MYOM2: variants seen among roughly 807,000 people sequenced by gnomAD.
MYOM2 encodes myomesin-2.
Under a neutral mutation model 187.6 loss-of-function variants are expected in MYOM2, and 254 were observed. The observed-to-expected ratio is 1.35, with a 90% CI of 1.22 to 1.50. The LOEUF (loss-of-function observed/expected upper bound fraction) is 1.50. Ranked by LOEUF, MYOM2 falls within the 40% of genes most tolerant of loss-of-function variation. MYOM2 has a pLI of 0.00. For missense variants in MYOM2, 2,796 were observed against 1,924.0 expected, an observed-to-expected ratio of 1.45 and a Z score of -8.48; for synonymous variants, 981 against 753.8, an observed-to-expected ratio of 1.30 and a Z score of -4.94.
chr8:2,079,564 TC>T lies in MYOM2; in HGVS notation c.1468del (p.His490IlefsTer76). On this transcript the variant is annotated frameshift_variant, in exon 13 of 37. Transcript: ENST00000262113. LOFTEE classifies it high-confidence loss of function. ...PLDLRRLQAV[H>X]LEGEKEIAIY... is the part of the protein sequence containing the mutation. ...TGTCAACCTTTCTCTCCGCAGCCGT[TC>T]ATTTGGAGGGAGAGAAGGAGATTGC... The T allele has an allele frequency of 6.2e-7, 1 of 1,614,068 alleles. No homozygotes were observed. Among genetic ancestry groups the T allele is most frequent in the Non-Finnish European group, 8.5e-7 (1 of 1,180,006 alleles).
At chr8:2,070,531 C>A (rs1819178820) in intron 8 of MYOM2, among the ~76,000 whole-genome samples, 1 of 152,182 alleles carries the variant, frequency 6.6e-6, no homozygotes, top group Non-Finnish European at 1.5e-5. Flanking sequence ...CTCTGGCCCT[C>A]AGGACAGCAC....
intron 17 of MYOM2, among the ~76,000 whole-genome samples, chr8:2,095,510 T>C (rs1189061808): frequency 6.6e-6 from 1 of 152,138 alleles, no homozygotes; most frequent in Non-Finnish European, 1.5e-5. Context: ...CAGGCTGATC[T>C]CAAACTCAGG....
chr8:2,109,221 C>A (rs184415608), intron 24 of MYOM2, 174 bp from the exon 25 acceptor site: 14 of 764,984 alleles, frequency 1.8e-5, no homozygotes, highest in Non-Finnish European at 2.2e-5. Flanking sequence ...TTAGAGGCAA[C>A]AACAGGCCAG....
rs990839895 is a variant in MYOM2 at position 2,089,893 on chromosome 8, G to A, written c.1645-115G>A. The A allele has an allele frequency of 3.5e-6, 3 of 869,550 alleles. No homozygotes were observed. In the South Asian group the frequency reaches 5.8e-5, roughly 17 times the overall value. The allele number at this position is 869,550 out of a possible 1,614,324, so 53.9% of individuals were successfully genotyped here. A position where few individuals can be genotyped will look rare whatever the true frequency, so the allele number is the denominator to read the frequency against. On this transcript the variant is annotated intron_variant, in intron 14 of 36. Coordinates refer to ENST00000262113, the MANE Select transcript of MYOM2 (RefSeq NM_003970.4). ...GACCATCCTTTGTGTGCGAGACGCA[G>A]CGGGCGCGCCTGGTGGTCCTGGGAT...
At chr8:2,121,714 T>A (rs1268764157) in intron 28 of MYOM2, among the ~76,000 whole-genome samples, 1 of 130,262 alleles carries the variant, frequency 7.7e-6, no homozygotes, top group Non-Finnish European at 1.8e-5. Context: ...AAACCATTTT[T>A]AAAAGTTTCA....
chr8:2,108,841 C>T lies in MYOM2; in HGVS notation c.3043+11C>T. Reference sequence around the variant, plus strand: ...AAATAAAGAACCCCAGTAAGTAAGCCTCCAGCCCTTCCCCTCTGCTTGCAG... The same window carrying T: ...AAATAAAGAACCCCAGTAAGTAAGCTTCCAGCCCTTCCCCTCTGCTTGCAG... On this transcript the variant is annotated intron_variant, in intron 24 of 36. Coordinates refer to ENST00000262113, the MANE Select transcript of MYOM2 (RefSeq NM_003970.4). The T allele has an allele frequency of 6.2e-7, 1 of 1,613,736 alleles. No homozygotes were observed. Among genetic ancestry groups the T allele is most frequent in the South Asian group, 1.1e-5 (1 of 90,964 alleles).
intron 32 of MYOM2, among the ~76,000 whole-genome samples, chr8:2,135,886 T>C (rs536005397): frequency 1.7e-4 from 26 of 152,314 alleles, no homozygotes; most frequent in African/African-American, 6.0e-4. Context: ...GGCCCTCTTA[T>C]AAGTTGCTCA....
chr8:2,054,140 C>A (rs1302180881), intron 3 of MYOM2, among the ~76,000 whole-genome samples: 3 of 152,184 alleles, frequency 2.0e-5, no homozygotes, highest in African/African-American at 7.2e-5. Context: ...TTATCCCTGA[C>A]CTCCCAACGT....
At chr8:2,102,836 A>C in intron 21 of MYOM2, 55 bp downstream of exon 21, 1 of 1,402,282 alleles carries the variant, frequency 7.1e-7, no homozygotes, top group African/African-American at 1.4e-5. Context: ...GAGAGTGTGC[A>C]TGTATTATGG....
chr8:2,109,212 T>C (rs1796987519), intron 24 of MYOM2, 183 bp from the exon 25 acceptor site: 2 of 672,992 alleles, frequency 3.0e-6, no homozygotes, highest in East Asian at 3.0e-5. Context: ...CATGAGGCTT[T>C]AGAGGCAACA....
At position 2,069,429 on chromosome 8, in the gene MYOM2, C is replaced by T. The variant is rs1291008732; in HGVS notation, c.743-18C>T. The T allele has an allele frequency of 6.8e-6, 11 of 1,614,080 alleles. No individual in the cohort carries two copies. Among genetic ancestry groups the T allele is most frequent in the Non-Finnish European group, 9.3e-6 (11 of 1,180,018 alleles). ...CTCCTTTTCTCTTTTCTGCTGCACT[C>T]ACTTTGCTGTCTTGCAGGGTTCCGG... On this transcript the variant is annotated intron_variant, in intron 7 of 36. Transcript: ENST00000262113.
At chr8:2,130,871 T>A (rs992278599) in intron 32 of MYOM2, among the ~76,000 whole-genome samples, 1 of 152,246 alleles carries the variant, frequency 6.6e-6, no homozygotes. Context: ...TGAGTAAATC[T>A]ATGTTTCTAG....
chr8:2,122,368 C>G (rs1797486159), intron 28 of MYOM2, among the ~76,000 whole-genome samples: 1 of 152,226 alleles, frequency 6.6e-6, no homozygotes, highest in Non-Finnish European at 1.5e-5. Flanking sequence ...GCCAGGCAGG[C>G]AGCCATGCAC....
At chr8:2,090,674 G>A (rs1796270305) in intron 15 of MYOM2, among the ~76,000 whole-genome samples, 1 of 152,140 alleles carries the variant, frequency 6.6e-6, no homozygotes, top group South Asian at 2.1e-4. Context: ...ATGTGTCCAT[G>A]TGTTCTCATC....
rs1163592814 is a variant in MYOM2 at position 2,143,444 on chromosome 8, C to G, written c.4068C>G (p.Ile1356Met). 3 of 1,613,906 alleles carry G rather than the reference C, an allele frequency of 1.9e-6. No homozygotes were observed. Among genetic ancestry groups the G allele is most frequent in the Non-Finnish European group, 2.5e-6 (3 of 1,180,036 alleles). ...GCGGCTTGCCTGACGTGGTGACCAT[C>G]ATGGAAGGGAAGGTGAGGATTCTAA... Reference protein sequence around the residue: ...LIGGLPDVVTIMEGKTLNLTC... With the variant: ...LIGGLPDVVTMMEGKTLNLTC... The change falls in exon 36 of 37, where the codon ATC becomes ATG. Residue 1356 changes from isoleucine to methionine, a missense_variant. By Grantham distance (10) the Ile-to-Met change is conservative (BLOSUM62 1). Coordinates refer to ENST00000262113, the MANE Select transcript of MYOM2 (RefSeq NM_003970.4).
rs185385135 is a variant in MYOM2 at position 2,113,128 on chromosome 8, G to C, written c.3181-2832G>C. Among the ~76,000 whole-genome samples the C allele has an allele frequency of 4.1e-3, 632 of 152,340 alleles. 3 individuals carry two copies. Among genetic ancestry groups the C allele is most frequent in the Non-Finnish European group, 6.7e-3 (458 of 68,022 alleles). The stretch of plus-strand genomic sequence containing the variant: ...CTACCGTATTGGTAACGCTGGGCAC[G>C]AGGAAGCCGAGGCCGGGCATCCACA... On this transcript the variant is annotated intron_variant, in intron 25 of 36. Coordinates refer to ENST00000262113, the MANE Select transcript of MYOM2 (RefSeq NM_003970.4).
intron 14 of MYOM2, among the ~76,000 whole-genome samples, chr8:2,086,538 G>GTGATCTCTGCGTGGCCCCCTA (rs1796081909): frequency 1.2e-5 from 1 of 80,264 alleles, no homozygotes; most frequent in Non-Finnish European, 3.2e-5. Context: ...TGTCGTGTTT[G>GTGATCTCTGCGTGGCCCCCTA]CTGTGTTTTA....
chr8:2,099,357 TGGA>T (rs1345169439), intron 19 of MYOM2, among the ~76,000 whole-genome samples: 1 of 151,746 alleles, frequency 6.6e-6, no homozygotes, highest in African/African-American at 2.4e-5. Flanking sequence ...GGGTCACAGG[TGGA>T]GGAGAAGGTG....
At chr8:2,141,509 G>T (rs954595781) in intron 34 of MYOM2, among the ~76,000 whole-genome samples, 5 of 152,210 alleles carry the variant, frequency 3.3e-5, no homozygotes, top group African/African-American at 1.2e-4. Flanking sequence ...CCTGAGTGGG[G>T]CTTTTGGCCG....
Sources: gnomAD v4.1 joint callset for allele counts (sites outside exome capture counted in the v4.1 genomes callset) on GRCh38, gnomAD v4.1.1 for gene constraint, MANE v1.5 for transcripts, NCBI Gene and HGNC (gene_info 2026-07-23, HGNC 2026-07-21) for gene names.